CATSPERT: variants seen among roughly 807,000 people sequenced by gnomAD.
CATSPERT encodes catsper channel auxiliary subunit tau.
the CATSPERT span, among the ~76,000 whole-genome samples, chr2:201,519,303 T>C: frequency 2.6e-5 from 4 of 152,160 alleles, no homozygotes; most frequent in Non-Finnish European, 5.9e-5. Flanking sequence ...ACTATACTAC[T>C]GTGTCCATCC....
the CATSPERT span, among the ~76,000 whole-genome samples, chr2:201,604,141 GTGTA>G: frequency 4.6e-5 from 6 of 129,386 alleles, no homozygotes; most frequent in Admixed American, 8.3e-5. Flanking sequence ...TGGTGTGTGT[GTGTA>G]TGTGTGTGTG....
At chr2:201,554,119 C>G in the CATSPERT span, 1 of 152,154 alleles carries the variant, frequency 6.6e-6, no homozygotes, top group Admixed American at 6.5e-5. Flanking sequence ...ATATCAGTAT[C>G]ATTCTAGTTT....
the CATSPERT span, among the ~76,000 whole-genome samples, chr2:201,504,786 C>A: frequency 1.3e-5 from 2 of 152,204 alleles, no homozygotes; most frequent in Admixed American, 1.3e-4. Flanking sequence ...GCCAGGTTTT[C>A]CCTGGGATGC....
chr2:201,607,548 A>G, the CATSPERT span, among the ~76,000 whole-genome samples: 145,604 of 152,176 alleles, frequency 0.96, 69,913 homozygotes, highest in Non-Finnish European at 1. Flanking sequence ...GGGCTGAGGT[A>G]GGATCATTGC....
At chr2:201,541,697 G>C in the CATSPERT span, among the ~76,000 whole-genome samples, 1 of 151,536 alleles carries the variant, frequency 6.6e-6, no homozygotes, top group African/African-American at 2.4e-5. Flanking sequence ...CCGGGTTCAA[G>C]AGATTCTCAT....
At chr2:201,600,606 T>G in the CATSPERT span, among the ~76,000 whole-genome samples, 1 of 152,076 alleles carries the variant, frequency 6.6e-6, no homozygotes, top group Non-Finnish European at 1.5e-5. Flanking sequence ...AAAAACTGTC[T>G]TCACTACTCA....
the CATSPERT span, among the ~76,000 whole-genome samples, chr2:201,496,360 C>T: frequency 3.0e-4 from 45 of 152,094 alleles, no homozygotes; most frequent in East Asian, 6.2e-3. Context: ...ATTATTTTTT[C>T]GAGACAGAGT....
At chr2:201,531,506 G>C in the CATSPERT span, among the ~76,000 whole-genome samples, 2 of 152,118 alleles carry the variant, frequency 1.3e-5, no homozygotes, top group African/African-American at 2.4e-5. Context: ...AACATAATAT[G>C]ATACCAGGAA....
At chr2:201,613,619 T>C in the CATSPERT span, among the ~76,000 whole-genome samples, 1 of 152,142 alleles carries the variant, frequency 6.6e-6, no homozygotes, top group African/African-American at 2.4e-5. Context: ...GCAGAAAAGC[T>C]GAAAATTCTA....
chr2:201,559,663 C>G, the CATSPERT span, among the ~76,000 whole-genome samples: 1 of 152,168 alleles, frequency 6.6e-6, no homozygotes, highest in Non-Finnish European at 1.5e-5. Context: ...TTGCAAATGC[C>G]ACTAATATAG....
At chr2:201,569,671 G>A in the CATSPERT span, among the ~76,000 whole-genome samples, 2 of 152,144 alleles carry the variant, frequency 1.3e-5, no homozygotes, top group Non-Finnish European at 2.9e-5. Context: ...ATGGTAAAAC[G>A]TGTGTCTTCT....
At chr2:201,487,516 C>A in the CATSPERT span, 39 of 1,160,254 alleles carry the variant, frequency 3.4e-5, no homozygotes, top group African/African-American at 5.9e-4. Context: ...ATCTCCAAAC[C>A]ATTTTGTTAA....
the CATSPERT span, among the ~76,000 whole-genome samples, chr2:201,528,668 G>A: frequency 9.9e-5 from 15 of 152,184 alleles, no homozygotes; most frequent in Non-Finnish European, 1.9e-4. Flanking sequence ...AATAGAAAAC[G>A]AAATACTACA....
chr2:201,522,348 G>A, the CATSPERT span, among the ~76,000 whole-genome samples: 1 of 152,016 alleles, frequency 6.6e-6, no homozygotes, highest in East Asian at 1.9e-4. Flanking sequence ...CCAGGAAGAG[G>A]AGCCAGGATG....
the CATSPERT span, among the ~76,000 whole-genome samples, chr2:201,598,780 C>G: frequency 6.6e-6 from 1 of 152,072 alleles, no homozygotes; most frequent in Non-Finnish European, 1.5e-5. Flanking sequence ...CGGGTTTCAC[C>G]ATGTTAATCA....
chr2:201,559,449 G>A, the CATSPERT span, among the ~76,000 whole-genome samples: 1 of 152,254 alleles, frequency 6.6e-6, no homozygotes, highest in East Asian at 1.9e-4. Context: ...GCCCCTGGCA[G>A]ATAGGATTCC....
At chr2:201,619,103 G>T in the CATSPERT span, 7 of 1,614,200 alleles carry the variant, frequency 4.3e-6, no homozygotes, top group East Asian at 1.6e-4. Flanking sequence ...GTGCTGAAAG[G>T]CCTATTTGTC....
the CATSPERT span, chr2:201,487,511 C>G: frequency 8.8e-7 from 1 of 1,130,308 alleles, no homozygotes; most frequent in Non-Finnish European, 1.2e-6. Flanking sequence ...AAGAGATCTC[C>G]AAACCATTTT....
At chr2:201,545,689 C>T in the CATSPERT span, 145 of 1,002,940 alleles carry the variant, frequency 1.4e-4, no homozygotes, top group Middle Eastern at 7.3e-4. Flanking sequence ...ATTTAAAGAA[C>T]GAAAACATTT....
Sources: allele counts gnomAD v4.1 joint callset (sites outside exome capture counted in the v4.1 genomes callset), GRCh38; gene constraint gnomAD v4.1.1; transcripts MANE v1.5; gene names NCBI Gene and HGNC (gene_info 2026-07-23, HGNC 2026-07-21).